ATPSCKMT: variants seen among roughly 807,000 people sequenced by gnomAD.
ATPSCKMT encodes ATP synthase subunit C lysine N-methyltransferase.
Under a neutral mutation model 24.3 loss-of-function variants are expected in ATPSCKMT, and 24 were observed. The observed-to-expected ratio is 0.99, with a 90% CI of 0.71 to 1.39. The LOEUF (loss-of-function observed/expected upper bound fraction) is 1.39. ATPSCKMT is among the 40% of genes most tolerant of loss of function. The pLI, the probability that ATPSCKMT is intolerant of heterozygous loss-of-function variation, is 0.00. For synonymous variants in ATPSCKMT, 95 were observed against 110.5 expected (o/e 0.86, Z 0.88); for missense variants, 311 against 298.4 (o/e 1.04, Z -0.31).
At position 10,236,515 on chromosome 5, in the gene ATPSCKMT, T is replaced by C. The variant is rs140073596; in HGVS notation, c.407A>G (p.His136Arg). The C allele has an allele frequency of 2.3e-4, 367 of 1,614,254 alleles. No individual in the cohort carries two copies. In the East Asian group the frequency reaches 4.6e-3, roughly 20 times the overall value. The change falls in exon 3 of 5, where the codon CAT (histidine) becomes CGT (arginine). Residue 136 changes from histidine (H) to arginine (R), a missense_variant. Physicochemically the swap from His to Arg is conservative, Grantham distance 29. Coordinates refer to ENST00000511437, the MANE Select transcript of ATPSCKMT (RefSeq NM_199133.4). ...SRYRAWREGV[H>R]GSAKFYISDL... ...TGAAATATAAAATTTGGCAGATCCA[T>C]GCACACCTTCTCGCCAAGCGCGGTA...
At chr5:10,233,261 CCT>C (rs1168021774) in intron 4 of ATPSCKMT, among the ~76,000 whole-genome samples, 2 of 151,964 alleles carry the variant, frequency 1.3e-5, no homozygotes, top group Non-Finnish European at 2.9e-5. Context: ...CGCCCCCTCC[CCT>C]CATGGCCTCC....
In ATPSCKMT at chr5:10,235,281, A is replaced by T; in HGVS notation, c.445-20T>A. The T allele has an allele frequency of 1.2e-6, 2 of 1,609,774 alleles. No homozygotes were observed. Among genetic ancestry groups the T allele is most frequent in the Non-Finnish European group, 1.7e-6 (2 of 1,177,164 alleles). ...AGTAACCTGAACAAGGTGGGAAAAT[A>T]ATCAGTAGATTAAGTGCAAAAAGCC... On this transcript the variant is annotated intron_variant, in intron 3 of 4. Coordinates refer to ENST00000511437, the MANE Select transcript of ATPSCKMT (RefSeq NM_199133.4).
intron 2 of ATPSCKMT, 77 bp from the exon 3 acceptor site, chr5:10,236,692 TATCA>T (rs1432869092): frequency 1.3e-6 from 2 of 1,563,956 alleles, no homozygotes; most frequent in Non-Finnish European, 1.7e-6. Flanking sequence ...GAATATTTCC[TATCA>T]ATGGTTTAAA....
chr5:10,245,475 G>C (rs1172145912), intron 1 of ATPSCKMT, among the ~76,000 whole-genome samples: 1 of 152,118 alleles, frequency 6.6e-6, no homozygotes, highest in Non-Finnish European at 1.5e-5. Flanking sequence ...GCCAGCCACA[G>C]TGGCTCATGC....
intron 2 of ATPSCKMT, among the ~76,000 whole-genome samples, chr5:10,238,354 A>C (rs995667018): frequency 6.6e-6 from 1 of 152,228 alleles, no homozygotes; most frequent in Non-Finnish European, 1.5e-5. Context: ...GCTCAGAATC[A>C]CAAAATCAGT....
intron 3 of ATPSCKMT, 174 bp downstream of exon 3, chr5:10,236,304 C>T (rs1744366990): frequency 6.7e-6 from 5 of 744,560 alleles, no homozygotes; most frequent in Non-Finnish European, 1.0e-5. Context: ...AAGCTTCTCT[C>T]TAAAGGAGAC....
chr5:10,249,838 C>T lies in ATPSCKMT; in HGVS notation c.16+20G>A, dbSNP rs200535921. 3.8e-6 allele frequency: 6 copies of T among 1,564,506 alleles called. No individual in the cohort carries two copies. The highest frequency in any genetic ancestry group is 5.2e-6 in the Non-Finnish European group (6 of 1,160,638). On this transcript the variant is annotated intron_variant, in intron 1 of 4. Coordinates refer to ENST00000511437, the MANE Select transcript of ATPSCKMT (RefSeq NM_199133.4). ...CCCTTCTCATGCCCCCAGGAACCCGCCAAGCCGCTCCAGCCTCACCTCCTC... is the reference window on the plus strand; with the variant it reads ...CCCTTCTCATGCCCCCAGGAACCCGTCAAGCCGCTCCAGCCTCACCTCCTC...
intron 1 of ATPSCKMT, among the ~76,000 whole-genome samples, chr5:10,246,910 T>C (rs1744959448): frequency 6.6e-6 from 1 of 152,088 alleles, no homozygotes; most frequent in Admixed American, 6.5e-5. Flanking sequence ...ATTCCAACAA[T>C]GGGACCAGTG....
chr5:10,233,838 C>T (rs1404057986), intron 4 of ATPSCKMT, among the ~76,000 whole-genome samples: 1 of 152,190 alleles, frequency 6.6e-6, no homozygotes, highest in Non-Finnish European at 1.5e-5. Flanking sequence ...AGAACGAAAG[C>T]CCAAACATCA....
Position 10,226,577 on chromosome 5 carries a change from G to A in ATPSCKMT, c.*864C>T, listed in dbSNP as rs1035907655. The A allele has an allele frequency of 4.6e-5, 7 of 152,208 alleles. No homozygotes were observed. Among genetic ancestry groups the A allele is most frequent in the African/African-American group, 1.7e-4 (7 of 41,458 alleles). 9.4% of individuals were successfully genotyped at this position (152,208 alleles called of 1,614,324 possible). ...CAGTCAAGTCTCTTCTCATAAATGA[G>A]AAATATTAAATGAGTGGCAGCTCTC... On this transcript the variant is annotated 3_prime_UTR_variant, in exon 5 of 5. Coordinates refer to ENST00000511437, the MANE Select transcript of ATPSCKMT (RefSeq NM_199133.4).
At chr5:10,248,495 C>T (rs1321462941) in intron 1 of ATPSCKMT, 2 of 152,212 alleles carry the variant, frequency 1.3e-5, no homozygotes, top group African/African-American at 4.8e-5. Flanking sequence ...AGGTCTAGCG[C>T]GTAAGTATGC....
At position 10,235,241 on chromosome 5, in the gene ATPSCKMT, C is replaced by T. The variant is rs768458711; in HGVS notation, c.465G>A (p.Ser155=). ...GAGGCACACCGAAAATAACAACGTT[C>T]GAGTACTGCGAAAAAGTAACCTGAA... The part of the protein sequence containing the change: ...DLWKVTFSQY[S]NVVIFGVPQM... Residue 155 remains serine (S), a synonymous_variant, in exon 4 of 5, where the codon TCG becomes TCA. Coordinates refer to ENST00000511437, the MANE Select transcript of ATPSCKMT (RefSeq NM_199133.4). 21 of 1,613,394 alleles carry T rather than the reference C, an allele frequency of 1.3e-5. No homozygotes were observed. In the South Asian group the frequency reaches 1.6e-4, roughly 13 times the overall value.
chr5:10,239,812 G>A (rs1744541541), intron 1 of ATPSCKMT, among the ~76,000 whole-genome samples: 1 of 152,064 alleles, frequency 6.6e-6, no homozygotes, highest in African/African-American at 2.4e-5. Context: ...ATCTGGTCTG[G>A]CATCTACAAT....
intron 4 of ATPSCKMT, among the ~76,000 whole-genome samples, chr5:10,232,855 GT>G (rs1281723852): frequency 6.6e-6 from 1 of 152,226 alleles, no homozygotes; most frequent in Non-Finnish European, 1.5e-5. Flanking sequence ...TCACAGAAGG[GT>G]TTTACACAAG....
intron 1 of ATPSCKMT, among the ~76,000 whole-genome samples, chr5:10,243,270 G>A (rs1245750629): frequency 1.3e-5 from 2 of 152,208 alleles, no homozygotes; most frequent in Non-Finnish European, 2.9e-5. Context: ...CGGATCACAA[G>A]GTCAGGAGTT....
chr5:10,233,708 T>G (rs1024171388), intron 4 of ATPSCKMT, among the ~76,000 whole-genome samples: 3 of 152,136 alleles, frequency 2.0e-5, no homozygotes, highest in Non-Finnish European at 2.9e-5. Context: ...GTAATCCTGA[T>G]TTCATCATCC....
intron 1 of ATPSCKMT, among the ~76,000 whole-genome samples, chr5:10,240,855 C>T (rs1744607733): frequency 6.6e-6 from 1 of 151,748 alleles, no homozygotes; most frequent in African/African-American, 2.4e-5. Context: ...ATTAGCCGGG[C>T]GTGGTGGTGC....
At chr5:10,242,050 T>C (rs2578628) in intron 1 of ATPSCKMT, among the ~76,000 whole-genome samples, 40,002 of 152,164 alleles carry the variant, frequency 0.26, 6,677 homozygotes, top group East Asian at 0.72. Context: ...TTTTCACTGG[T>C]GTAGGATCTG....
chr5:10,249,281 A>AAG (rs1335355798), intron 1 of ATPSCKMT: 1 of 151,276 alleles, frequency 6.6e-6, no homozygotes, highest in Non-Finnish European at 1.5e-5. Context: ...AAAAAAAAAA[A>AAG]AGAGTGTGGG....
Sources: allele counts gnomAD v4.1 joint callset (sites outside exome capture counted in the v4.1 genomes callset), GRCh38; gene constraint gnomAD v4.1.1; transcripts MANE v1.5; gene names NCBI Gene and HGNC (gene_info 2026-07-23, HGNC 2026-07-21).